The following PCDH15 variants were observed in gnomAD, a reference collection of about 807,000 sequenced individuals.
The protein encoded by PCDH15 is protocadherin-15.
Under a neutral mutation model 178.5 loss-of-function variants are expected in PCDH15, and 129 were observed. The observed-to-expected ratio is 0.72, with a 90% confidence interval of 0.63 to 0.84. The LOEUF is 0.84. Ranked by LOEUF, PCDH15 falls within the 40% of genes least tolerant of loss-of-function variation. The pLI, the probability that PCDH15 is intolerant of heterozygous loss-of-function variation, is 0.00. For synonymous variants in PCDH15, 800 were observed against 732.0 expected (o/e 1.09, Z -1.50); for missense variants, 2,230 against 2,099.9 (o/e 1.06, Z -1.21).
intron 2 of PCDH15, among the ~76,000 whole-genome samples, chr10:55,589,017 G>T (rs1189793480): frequency 6.8e-6 from 1 of 147,706 alleles, no homozygotes; most frequent in Non-Finnish European, 1.5e-5. Context: ...GGAGGTGGAG[G>T]TTGCAGTGAG....
At chr10:54,561,116 A>C (rs1041447525) in intron 2 of PCDH15, among the ~76,000 whole-genome samples, 1 of 152,142 alleles carries the variant, frequency 6.6e-6, no homozygotes, top group African/African-American at 2.4e-5. Context: ...GTCAAGTTCT[A>C]TGGAAAAATT....
chr10:55,509,117 G>C (rs1268014615), intron 2 of PCDH15, among the ~76,000 whole-genome samples: 2 of 151,762 alleles, frequency 1.3e-5, no homozygotes. Flanking sequence ...GGCAAAGAGA[G>C]ATAAGTCCAA....
chr10:54,305,678 G>T (rs1026047234), intron 8 of PCDH15, among the ~76,000 whole-genome samples: 8 of 151,952 alleles, frequency 5.3e-5, no homozygotes, highest in African/African-American at 1.7e-4. Context: ...AAACTAATCT[G>T]CAGAAAACAA....
chr10:53,909,810 G>A (rs1356538685), intron 25 of PCDH15, among the ~76,000 whole-genome samples: 2 of 152,194 alleles, frequency 1.3e-5, no homozygotes, highest in Non-Finnish European at 2.9e-5. Context: ...CCCAAATGCT[G>A]CGCTTTTCCA....
intron 1 of PCDH15, among the ~76,000 whole-genome samples, chr10:55,231,244 T>C (rs1046446975): frequency 6.6e-6 from 1 of 151,894 alleles, no homozygotes; most frequent in African/African-American, 2.4e-5. Flanking sequence ...TTGAAAGAGA[T>C]TGAGAAGTTC....
At chr10:55,591,033 G>A (rs375485740) in intron 2 of PCDH15, among the ~76,000 whole-genome samples, 2 of 151,892 alleles carry the variant, frequency 1.3e-5, no homozygotes, top group East Asian at 3.9e-4. Context: ...CTCACAAAGA[G>A]GTTCCATTGC....
intron 2 of PCDH15, among the ~76,000 whole-genome samples, chr10:54,982,224 CTT>C (rs1400297797): frequency 2.0e-5 from 3 of 152,102 alleles, no homozygotes; most frequent in Non-Finnish European, 4.4e-5. Flanking sequence ...TTGAACTCCT[CTT>C]GTCTTCAATA....
chr10:55,353,978 A>G (rs746824512), intron 2 of PCDH15, among the ~76,000 whole-genome samples: 35 of 152,050 alleles, frequency 2.3e-4, no homozygotes, highest in Non-Finnish European at 4.4e-4. Context: ...ACGATTCTTT[A>G]TATTTGATCT....
intron 1 of PCDH15, among the ~76,000 whole-genome samples, chr10:54,692,969 T>A (rs1234232038): frequency 6.6e-6 from 1 of 152,056 alleles, no homozygotes; most frequent in Admixed American, 6.6e-5. Context: ...GTTCGTTACA[T>A]AGGTATACGT....
chr10:55,462,155 G>C (rs1049586508), intron 2 of PCDH15, among the ~76,000 whole-genome samples: 1 of 152,032 alleles, frequency 6.6e-6, no homozygotes, highest in African/African-American at 2.4e-5. Flanking sequence ...AAAATATATA[G>C]TACAGAGTTT....
At chr10:55,144,270 G>GAA (rs375219689) in intron 2 of PCDH15, among the ~76,000 whole-genome samples, 3 of 37,402 alleles carry the variant, frequency 8.0e-5, no homozygotes, top group African/African-American at 2.1e-4. Flanking sequence ...TTACGGCTGA[G>GAA]AAAAAAAAAA....
chr10:54,820,379 C>T (rs1227486037), intron 3 of PCDH15, among the ~76,000 whole-genome samples: 1 of 152,036 alleles, frequency 6.6e-6, no homozygotes, highest in Non-Finnish European at 1.5e-5. Flanking sequence ...TTGATGATCT[C>T]ATTTAGTCTT....
intron 26 of PCDH15, among the ~76,000 whole-genome samples, chr10:53,881,038 C>G (rs1437981870): frequency 6.6e-6 from 1 of 151,738 alleles, no homozygotes; most frequent in Non-Finnish European, 1.5e-5. Context: ...TATGTATACA[C>G]ATGCACACAT....
At chr10:55,214,218 C>G (rs1416797128) in intron 1 of PCDH15, among the ~76,000 whole-genome samples, 5 of 151,908 alleles carry the variant, frequency 3.3e-5, no homozygotes, top group Admixed American at 6.6e-5. Context: ...GGTGTGTTTT[C>G]CAGTTGTTAA....
chr10:55,461,473 G>T (rs1041929262), intron 2 of PCDH15, among the ~76,000 whole-genome samples: 57 of 152,204 alleles, frequency 3.7e-4, no homozygotes, highest in African/African-American at 8.7e-4. Flanking sequence ...AATTATTTTT[G>T]GGGGGAAAAC....
At chr10:54,578,720 T>C (rs1452928564) in intron 2 of PCDH15, among the ~76,000 whole-genome samples, 1 of 152,098 alleles carries the variant, frequency 6.6e-6, no homozygotes, top group East Asian at 1.9e-4. Flanking sequence ...TATTTAAATC[T>C]GCTCCTCCTT....
In PCDH15 at chr10:54,286,712, G is replaced by A. The variant is rs555697186; in HGVS notation, c.876+30559C>T. 2.6e-5 allele frequency among the ~76,000 whole-genome samples: 4 copies of A among 152,020 alleles called. No individual in the cohort carries two copies. The East Asian group carries it at 5.8e-4, about 22-fold the overall frequency. Reference sequence around the variant, plus strand: ...ACGATCTCAGCTCACTGCAACCTCCGCCTCCTGAGTTCAAGCAATTCTTCC... The same window carrying A: ...ACGATCTCAGCTCACTGCAACCTCCACCTCCTGAGTTCAAGCAATTCTTCC... On this transcript the variant is annotated intron_variant, in intron 8 of 37. Coordinates refer to ENST00000644397, the MANE Select transcript of PCDH15 (RefSeq NM_001384140.1).
intron 2 of PCDH15, among the ~76,000 whole-genome samples, chr10:55,497,409 C>T (rs965520106): frequency 6.6e-6 from 1 of 151,678 alleles, no homozygotes; most frequent in Non-Finnish European, 1.5e-5. Context: ...GGATTACAAG[C>T]ATCAGCCACC....
chr10:54,679,205 A>AC (rs2094853174), intron 1 of PCDH15, among the ~76,000 whole-genome samples: 1 of 151,784 alleles, frequency 6.6e-6, no homozygotes, highest in African/African-American at 2.4e-5. Flanking sequence ...AAAAAAAAAA[A>AC]AAAAAACATA....
Sources: gnomAD v4.1 joint callset for allele counts (sites outside exome capture counted in the v4.1 genomes callset) on GRCh38, gnomAD v4.1.1 for gene constraint, MANE v1.5 for transcripts, NCBI Gene and HGNC (gene_info 2026-07-23, HGNC 2026-07-21) for gene names.